FAT3: variants seen among roughly 807,000 people sequenced by gnomAD.
FAT3 encodes protocadherin Fat 3.
A neutral mutation model predicts 310.2 loss-of-function variants in FAT3; 95 were observed. That is an observed-to-expected ratio of 0.31 (90% CI 0.26 to 0.36). The LOEUF is 0.36. FAT3 is among the 10% of genes least tolerant of loss of function. The pLI, the probability that FAT3 is intolerant of heterozygous loss-of-function variation, is 1.00. For missense variants in FAT3, 5,408 were observed against 5,715.6 expected, an observed-to-expected ratio of 0.95 and a Z score of 1.74; for synonymous variants, 2,314 against 2,192.9, an observed-to-expected ratio of 1.06 and a Z score of -1.54.
At chr11:92,615,672 T>C (rs539935694) in intron 3 of FAT3, among the ~76,000 whole-genome samples, 2 of 152,368 alleles carry the variant, frequency 1.3e-5, no homozygotes, top group Admixed American at 6.5e-5. Context: ...TTCTGGTATG[T>C]TGTGTCTTTG....
At chr11:92,237,478 A>G (rs1373293246) in intron 1 of FAT3, among the ~76,000 whole-genome samples, 1 of 152,138 alleles carries the variant, frequency 6.6e-6, no homozygotes, top group Non-Finnish European at 1.5e-5. Flanking sequence ...ACTTTTAATC[A>G]TTATTAATAT....
rs1006256126 is a variant in FAT3 at position 92,315,487 on chromosome 11, A to G, written c.-17-36609A>G. On this transcript the variant is annotated intron_variant, in intron 1 of 27. Coordinates refer to ENST00000525166, the MANE Select transcript of FAT3 (RefSeq NM_001367949.2). ...TGTGTGTGTGTGTGTGTGTATATAT[A>G]TATATATATATATATATATATATAT... Among the ~76,000 whole-genome samples the G allele has an allele frequency of 8.6e-3, 587 of 68,558 alleles. 3 individuals carry two copies. Among genetic ancestry groups the G allele is most frequent in the African/African-American group, 0.02 (342 of 17,414 alleles). 45.0% of individuals were successfully genotyped at this position (68,558 alleles called of 152,430 possible). A position where few individuals can be genotyped will look rare whatever the true frequency, so the allele number is the denominator to read the frequency against.
chr11:92,403,025 C>T (rs1950056208), intron 2 of FAT3, among the ~76,000 whole-genome samples: 1 of 152,126 alleles, frequency 6.6e-6, no homozygotes, highest in African/African-American at 2.4e-5. Context: ...AACCATGCCT[C>T]CTTCACTAAC....
chr11:92,672,859 T>C (rs1465471309), intron 3 of FAT3, among the ~76,000 whole-genome samples: 1 of 152,182 alleles, frequency 6.6e-6, no homozygotes, highest in Non-Finnish European at 1.5e-5. Flanking sequence ...GGAATCCATC[T>C]TTCAGTCACT....
chr11:92,247,033 A>G (rs549188977), intron 1 of FAT3, among the ~76,000 whole-genome samples: 4 of 152,210 alleles, frequency 2.6e-5, no homozygotes, highest in African/African-American at 9.6e-5. Context: ...AGGGAGCTCT[A>G]AGGGAATTGG....
chr11:92,733,992 T>A (rs980412895), intron 4 of FAT3, among the ~76,000 whole-genome samples: 18 of 152,346 alleles, frequency 1.2e-4, no homozygotes, highest in Non-Finnish European at 2.2e-4. Flanking sequence ...GTTTAATATG[T>A]GCTACTACCT....
At chr11:92,290,221 C>T (rs554675152) in intron 1 of FAT3, among the ~76,000 whole-genome samples, 25 of 152,228 alleles carry the variant, frequency 1.6e-4, no homozygotes, top group African/African-American at 5.1e-4. Context: ...TCTCTATAGT[C>T]CTTTGCATCA....
At position 92,353,290 on chromosome 11, in the gene FAT3, TCGTGGTTG is replaced by T. The variant is rs1948621376; in HGVS notation, c.1180_1187del (p.Val394TyrfsTer7). On this transcript the variant is annotated frameshift_variant, in exon 2 of 28. Transcript: ENST00000525166. LOFTEE classifies it high-confidence loss of function. ...ATAAGTGAATTTTCCCCTCCTGGTG[TCGTGGTTG>T]CTATAGTAAAATTAAGTCCTGAACC... The T allele has an allele frequency of 6.2e-7, 1 of 1,613,588 alleles. No homozygotes were observed. The highest frequency in any genetic ancestry group is 1.3e-5 in the African/African-American group (1 of 74,932).
chr11:92,583,997 A>G (rs1407235767), intron 3 of FAT3, among the ~76,000 whole-genome samples: 1 of 152,068 alleles, frequency 6.6e-6, no homozygotes, highest in Non-Finnish European at 1.5e-5. Context: ...TTGTCCTTAG[A>G]TAGAACAGCG....
chr11:92,522,826 T>C (rs1953730511), intron 2 of FAT3, among the ~76,000 whole-genome samples: 1 of 152,106 alleles, frequency 6.6e-6, no homozygotes, highest in African/African-American at 2.4e-5. Context: ...ATAGAATGTA[T>C]GTTGCATGTA....
At chr11:92,479,780 AT>A (rs1952166530) in intron 2 of FAT3, among the ~76,000 whole-genome samples, 1 of 152,100 alleles carries the variant, frequency 6.6e-6, no homozygotes, top group Non-Finnish European at 1.5e-5. Context: ...CATAGTAGTT[AT>A]TTGCTTTACT....
intron 19 of FAT3, among the ~76,000 whole-genome samples, chr11:92,846,009 C>A (rs1565645982): frequency 6.6e-6 from 1 of 152,158 alleles, no homozygotes; most frequent in Admixed American, 6.5e-5. Flanking sequence ...TGTAAATTAG[C>A]TGCAAAGTAA....
At chr11:92,754,627 C>CAA (rs71064722) in intron 4 of FAT3, among the ~76,000 whole-genome samples, 7 of 32,704 alleles carry the variant, frequency 2.1e-4, no homozygotes, top group African/African-American at 1.2e-3. Context: ...GACTCTGCCT[C>CAA]AAAAAAAAAA....
chr11:92,260,101 C>A (rs1255707790), intron 1 of FAT3, among the ~76,000 whole-genome samples: 1 of 152,176 alleles, frequency 6.6e-6, no homozygotes, highest in Non-Finnish European at 1.5e-5. Flanking sequence ...TTTGATAAAA[C>A]CTGTCAGCGT....
chr11:92,255,253 C>T (rs1565182089), intron 1 of FAT3, among the ~76,000 whole-genome samples: 1 of 150,566 alleles, frequency 6.6e-6, no homozygotes, highest in Non-Finnish European at 1.5e-5. Flanking sequence ...GTGATCCTAA[C>T]TTTATTTAAT....
intron 2 of FAT3, among the ~76,000 whole-genome samples, chr11:92,358,627 T>C (rs1948798741): frequency 6.6e-6 from 1 of 152,194 alleles, no homozygotes; most frequent in African/African-American, 2.4e-5. Flanking sequence ...TCAGCACTTG[T>C]AGATTTTAGA....
chr11:92,798,354 G>A lies in FAT3; in HGVS notation c.5341G>A (p.Ala1781Thr). Residue 1781 changes from alanine (A) to threonine (T), a missense_variant, in exon 10 of 28, where the codon GCT becomes ACT. Physicochemically the swap from Ala to Thr is moderately conservative, Grantham distance 58. Around this residue, in one of 5 missense-constraint regions of FAT3, gnomAD observed 4,588 missense variants for 4,809.8 expected, o/e 0.95. Transcript: ENST00000525166. ...FSQYSGSLSEAAPINSIVRSL... is the reference protein window; with the variant it reads ...FSQYSGSLSETAPINSIVRSL... ...TCAATACTCAGGCAGCCTAAGTGAGGCTGCCCCAATTAATAGCATTGTCAG... is the reference window on the plus strand; with the variant it reads ...TCAATACTCAGGCAGCCTAAGTGAGACTGCCCCAATTAATAGCATTGTCAG... 1 of 1,613,552 alleles carries A rather than the reference G, an allele frequency of 6.2e-7. No individual in the cohort carries two copies. The highest frequency in any genetic ancestry group is 1.1e-5 in the South Asian group (1 of 91,044).
intron 3 of FAT3, among the ~76,000 whole-genome samples, chr11:92,637,765 T>C (rs1402940362): frequency 6.6e-6 from 1 of 152,186 alleles, no homozygotes; most frequent in South Asian, 2.1e-4. Flanking sequence ...TGCTGAGCTT[T>C]TGAATATGTA....
At position 92,882,889 on chromosome 11, in the gene FAT3, G is replaced by A. The variant is rs553837148; in HGVS notation, c.12433G>A (p.Ala4145Thr). 22 of 1,612,646 alleles carry A rather than the reference G, an allele frequency of 1.4e-5. No individual in the cohort carries two copies. Among genetic ancestry groups the A allele is most frequent in the South Asian group, 9.9e-5 (9 of 90,648 alleles). The change falls in exon 24 of 28, where the codon GCT becomes ACT. Residue 4145 changes from alanine (A) to threonine (T), a missense_variant. Physicochemically the swap from Ala to Thr is moderately conservative, Grantham distance 58. Coordinates refer to ENST00000525166, the MANE Select transcript of FAT3 (RefSeq NM_001367949.2). The stretch of plus-strand genomic sequence containing the variant: ...CCCCGTGGTGGTACCCAATATCCAG[G>A]CTGGCCACTCCTACGTGGGGAAGGA... ...LRPVVVPNIQAGHSYVGKEEL... is the reference protein window; with the variant it reads ...LRPVVVPNIQTGHSYVGKEEL...
Sources: gnomAD v4.1 joint callset for allele counts (sites outside exome capture counted in the v4.1 genomes callset) on GRCh38, gnomAD v4.1.1 for gene constraint, gnomAD v4.1.1 regional missense constraint, MANE v1.5 for transcripts, NCBI Gene and HGNC (gene_info 2026-07-23, HGNC 2026-07-21) for gene names.